PTPRD: variants seen among roughly 807,000 people sequenced by gnomAD.
PTPRD encodes the protein receptor-type tyrosine-protein phosphatase delta.
In PTPRD, 34 loss-of-function variants were observed where a neutral mutation model predicts 214.5. The observed-to-expected ratio is 0.16, with a 90% CI of 0.12 to 0.21. The LOEUF (loss-of-function observed/expected upper bound fraction) is 0.21. PTPRD is among the 10% of genes least tolerant of loss of function. The pLI is 1.00. For synonymous variants in PTPRD, 1,128 were observed against 845.7 expected (o/e 1.33, Z -5.79); for missense variants, 2,545 against 2,398.7 (o/e 1.06, Z -1.27).
At chr9:8,962,538 AAGAGAGAG>A (rs34968070) in intron 11 of PTPRD, among the ~76,000 whole-genome samples, 4 of 149,708 alleles carry the variant, frequency 2.7e-5, no homozygotes, top group African/African-American at 9.8e-5. Flanking sequence ...AGAAGAGAGA[AAGAGAGAG>A]AGAGAGAGAG....
Position 10,307,739 on chromosome 9 carries a change from G to T in PTPRD, c.-545+33224C>A, listed in dbSNP as rs534995244. The stretch of plus-strand genomic sequence containing the variant: ...TCCTTGCCAGCATCTCTTATTTTTT[G>T]TCCTTTGATAATAGCCATTCTAACT... On this transcript the variant is annotated intron_variant, in intron 3 of 45. Transcript: ENST00000381196. 5.9e-5 allele frequency among the ~76,000 whole-genome samples: 9 copies of T among 151,768 alleles called. No homozygotes were observed. The East Asian group carries it at 1.8e-3, about 30-fold the overall frequency.
At chr9:8,429,374 T>C (rs1187463848) in intron 35 of PTPRD, among the ~76,000 whole-genome samples, 5 of 152,106 alleles carry the variant, frequency 3.3e-5, no homozygotes, top group Non-Finnish European at 7.4e-5. Context: ...GATGGGAGAG[T>C]GAAACCACAT....
At chr9:9,221,943 C>A (rs917010826) in intron 9 of PTPRD, among the ~76,000 whole-genome samples, 2 of 152,022 alleles carry the variant, frequency 1.3e-5, no homozygotes, top group African/African-American at 2.4e-5. Flanking sequence ...GAGTCACAAT[C>A]TGCATTTTAA....
intron 31 of PTPRD, among the ~76,000 whole-genome samples, chr9:8,467,177 C>G (rs898641678): frequency 1.2e-4 from 18 of 151,820 alleles, no homozygotes; most frequent in African/African-American, 3.9e-4. Flanking sequence ...ATTAAAATTA[C>G]ATGAAATGTA....
intron 3 of PTPRD, among the ~76,000 whole-genome samples, chr9:10,093,771 T>C (rs757158096): frequency 1.3e-5 from 2 of 151,386 alleles, no homozygotes; most frequent in Non-Finnish European, 3.0e-5. Flanking sequence ...AAGAACAAAA[T>C]CGTGTCCTTT....
intron 7 of PTPRD, among the ~76,000 whole-genome samples, chr9:9,589,192 G>T (rs1203772313): frequency 6.6e-6 from 1 of 151,860 alleles, no homozygotes; most frequent in Non-Finnish European, 1.5e-5. Context: ...AGTTTATTTG[G>T]TGTGTATTTT....
intron 3 of PTPRD, among the ~76,000 whole-genome samples, chr9:10,203,076 T>C (rs2099438041): frequency 1.3e-5 from 2 of 151,934 alleles, no homozygotes; most frequent in Admixed American, 1.3e-4. Context: ...CGTGTACTTC[T>C]CTTGATGTAT....
intron 10 of PTPRD, among the ~76,000 whole-genome samples, chr9:9,099,709 G>A (rs988321296): frequency 2.0e-5 from 3 of 152,136 alleles, no homozygotes; most frequent in Non-Finnish European, 4.4e-5. Flanking sequence ...AAAGCGTCAC[G>A]CTGTGTAATG....
chr9:8,361,770 G>A (rs1317167899), intron 39 of PTPRD, among the ~76,000 whole-genome samples: 2 of 152,006 alleles, frequency 1.3e-5, no homozygotes, highest in East Asian at 3.9e-4. Flanking sequence ...CTCCACTTTG[G>A]GGTATGTTTG....
rs773647938 is a variant in PTPRD, at chr9:8,314,916, C to A, written c.*2958G>T. 3 of 232,230 alleles carry A rather than the reference C, an allele frequency of 1.3e-5. No individual in the cohort carries two copies. Among genetic ancestry groups the A allele is most frequent in the Non-Finnish European group, 2.6e-5 (3 of 117,204 alleles). The allele number at this position is 232,230 out of a possible 1,614,324, so 14.4% of individuals were successfully genotyped here. ...CCTTCCCTCCCCTGGCTGTCCTCGCCGTTTTCTAACCATGCAAATCATTTT... is the reference window on the plus strand; with the variant it reads ...CCTTCCCTCCCCTGGCTGTCCTCGCAGTTTTCTAACCATGCAAATCATTTT... On this transcript the variant is annotated 3_prime_UTR_variant, in exon 46 of 46. Coordinates refer to ENST00000381196, the MANE Select transcript of PTPRD (RefSeq NM_002839.4).
intron 11 of PTPRD, among the ~76,000 whole-genome samples, chr9:8,884,397 A>C (rs528400895): frequency 6.6e-6 from 1 of 152,370 alleles, no homozygotes; most frequent in African/African-American, 2.4e-5. Context: ...TTGAAGTGGA[A>C]GGCACAGGAA....
intron 12 of PTPRD, among the ~76,000 whole-genome samples, chr9:8,638,626 G>A (rs569130537): frequency 6.6e-6 from 1 of 152,082 alleles, no homozygotes; most frequent in Admixed American, 6.5e-5. Context: ...TGCAATGCTG[G>A]TCCTGGAGAA....
At chr9:9,515,362 C>T (rs1291635675) in intron 8 of PTPRD, among the ~76,000 whole-genome samples, 5 of 152,042 alleles carry the variant, frequency 3.3e-5, no homozygotes, top group African/African-American at 7.2e-5. Flanking sequence ...ATCTAAACCT[C>T]AATTTGATTT....
intron 5 of PTPRD, among the ~76,000 whole-genome samples, chr9:9,801,934 T>C (rs555551490): frequency 6.6e-6 from 1 of 152,192 alleles, no homozygotes; most frequent in East Asian, 1.9e-4. Context: ...ATAAAGGTTA[T>C]TGTTCTGTTT....
intron 9 of PTPRD, among the ~76,000 whole-genome samples, chr9:9,329,627 T>C (rs2041549428): frequency 6.6e-6 from 1 of 152,174 alleles, no homozygotes. Flanking sequence ...TGTTAGAGAA[T>C]GTCCCAAGGA....
intron 2 of PTPRD, among the ~76,000 whole-genome samples, chr9:10,600,113 A>G (rs1019288541): frequency 6.6e-6 from 1 of 151,782 alleles, no homozygotes; most frequent in African/African-American, 2.4e-5. Context: ...ACCACATAGT[A>G]TTCAAAATCT....
intron 8 of PTPRD, among the ~76,000 whole-genome samples, chr9:9,489,044 A>G (rs185530178): frequency 4.9e-4 from 75 of 152,278 alleles, no homozygotes; most frequent in African/African-American, 1.7e-3. Flanking sequence ...GATTTCCAGG[A>G]GACATAAAGG....
chr9:8,336,610 T>A (rs557435583), intron 43 of PTPRD, among the ~76,000 whole-genome samples: 7 of 84,598 alleles, frequency 8.3e-5, no homozygotes, highest in East Asian at 6.5e-4. Context: ...CTAATTAAAC[T>A]AAAGAGCTTC....
chr9:8,702,637 A>C (rs2098114839), intron 12 of PTPRD, among the ~76,000 whole-genome samples: 1 of 152,212 alleles, frequency 6.6e-6, no homozygotes, highest in Admixed American at 6.5e-5. Context: ...TCTTTTAGAC[A>C]GAGTCTTGCT....
Sources: gnomAD v4.1 joint callset for allele counts (sites outside exome capture counted in the v4.1 genomes callset) on GRCh38, gnomAD v4.1.1 for gene constraint, MANE v1.5 for transcripts, NCBI Gene and HGNC (gene_info 2026-07-23, HGNC 2026-07-21) for gene names.